BTBD2: variants seen among roughly 807,000 people sequenced by gnomAD.
BTBD2 encodes the protein BTB domain containing 2, also known as BTB/POZ domain-containing protein 2.
Under a neutral mutation model 44.0 loss-of-function variants are expected in BTBD2, and 15 were observed. The observed-to-expected ratio is 0.34, with a 90% confidence interval of 0.23 to 0.53. The LOEUF is 0.53. Among genes scored for constraint, BTBD2 ranks in the 20% least tolerant of loss-of-function variants. The pLI is 0.95. For missense variants in BTBD2, 657 were observed against 746.4 expected (o/e 0.88, Z 1.39); for synonymous variants, 443 against 335.9 (o/e 1.32, Z -3.49).
chr19:1,987,276 G>A, intron 6 of BTBD2, 23 bp from the exon 7 acceptor site: 2 of 1,612,438 alleles, frequency 1.2e-6, no homozygotes, highest in Non-Finnish European at 1.7e-6. Flanking sequence ...ATGACAGGCA[G>A]CAGCGTGGAT....
chr19:1,987,187 G>C lies in BTBD2; in HGVS notation c.1248C>G (p.Thr416=), dbSNP rs774869555. ...FGLYGSIHGP[T]DYQVNIQIIH... ...GTACCTGGATGTTCACTTGGTAGTCGGTGGGCCCGTGGATGGATCCATACA... is the reference window on the plus strand; with the variant it reads ...GTACCTGGATGTTCACTTGGTAGTCCGTGGGCCCGTGGATGGATCCATACA... Residue 416 remains threonine, a synonymous_variant, in exon 7 of 9, where the codon ACC becomes ACG. Transcript: ENST00000255608. 3 of 1,613,662 alleles carry C rather than the reference G, an allele frequency of 1.9e-6. No individual in the cohort carries two copies. The highest frequency in any genetic ancestry group is 1.7e-5 in the Admixed American group (1 of 59,948).
chr19:1,999,689 A>ACG (rs1568219038), intron 1 of BTBD2, among the ~76,000 whole-genome samples: 11 of 151,718 alleles, frequency 7.3e-5, no homozygotes, highest in Middle Eastern at 3.4e-3. Flanking sequence ...GGCCAGGTGC[A>ACG]GTGGCTCACG....
At chr19:1,999,192 A>G (rs34384935) in intron 1 of BTBD2, among the ~76,000 whole-genome samples, 71,514 of 151,454 alleles carry the variant, frequency 0.47, 17,588 homozygotes, top group African/African-American at 0.6. Flanking sequence ...GCTTGACTGC[A>G]CCCCAGAGTC....
chr19:1,986,424 G>T lies in BTBD2; in HGVS notation c.*64C>A. The T allele has an allele frequency of 6.3e-7, 1 of 1,590,024 alleles. No homozygotes were observed. Reference sequence around the variant, plus strand: ...ACCGCGTGGTGGGGGGGCCCCAGCAGCAGATGATGGCCTGGGGCTGCGGCT... The same window carrying T: ...ACCGCGTGGTGGGGGGGCCCCAGCATCAGATGATGGCCTGGGGCTGCGGCT... On this transcript the variant is annotated 3_prime_UTR_variant, in exon 9 of 9. Coordinates refer to ENST00000255608, the MANE Select transcript of BTBD2 (RefSeq NM_017797.4).
intron 1 of BTBD2, among the ~76,000 whole-genome samples, chr19:2,001,721 C>T (rs1599356447): frequency 6.6e-6 from 1 of 152,342 alleles, no homozygotes; most frequent in Admixed American, 6.5e-5. Context: ...ACCTCTTCAT[C>T]TGGCTGCAAG....
intron 3 of BTBD2, among the ~76,000 whole-genome samples, chr19:1,992,445 G>C (rs2016192544): frequency 6.6e-6 from 1 of 151,968 alleles, no homozygotes; most frequent in Non-Finnish European, 1.5e-5. Context: ...TCTCTATGTT[G>C]CCTAGGCTGG....
At position 1,986,868 on chromosome 19, in the gene BTBD2, G is replaced by A; in HGVS notation, c.1378C>T (p.Leu460=). 6.2e-7 allele frequency: 1 copy of A among 1,612,366 alleles called. No individual in the cohort carries two copies. The highest frequency in any genetic ancestry group is 1.7e-4 in the Middle Eastern group (1 of 6,056). Residue 460 remains leucine (L), a synonymous_variant, in exon 8 of 9, where the codon CTG becomes TTG. Transcript: ENST00000255608. ...CAGGCCGTGTAGTTGACGTTGGGCA[G>A]CACCTCCACCGGCTCCTTGAACATG... ...RVMFKEPVEV[L]PNVNYTACAT... is the part of the protein sequence containing the mutation.
At position 2,000,280 on chromosome 19, in the gene BTBD2, G is replaced by A. The variant is rs1189592911; in HGVS notation, c.408-2817C>T. Among the ~76,000 whole-genome samples the A allele has an allele frequency of 3.9e-5, 6 of 152,254 alleles. No homozygotes were observed. In the South Asian group the frequency reaches 6.2e-4, roughly 16 times the overall value. Reference sequence around the variant, plus strand: ...AAGGGCCCAGGCCTCAGGGCCCTGCGCCATCACCCACAGCTGGTGCCCCAG... The same window carrying A: ...AAGGGCCCAGGCCTCAGGGCCCTGCACCATCACCCACAGCTGGTGCCCCAG... On this transcript the variant is annotated intron_variant, in intron 1 of 8. Transcript: ENST00000255608.
At chr19:2,002,206 C>T (rs1053087599) in intron 1 of BTBD2, among the ~76,000 whole-genome samples, 4 of 152,126 alleles carry the variant, frequency 2.6e-5, no homozygotes, top group Admixed American at 1.3e-4. Context: ...CTCAGCCTCC[C>T]GGTAGCTGGG....
chr19:2,000,160 G>A (rs180912619), intron 1 of BTBD2, among the ~76,000 whole-genome samples: 277 of 152,136 alleles, frequency 1.8e-3, no homozygotes, highest in Admixed American at 5.1e-3. Context: ...CCTGGGCTCC[G>A]GGACTGGCAG....
chr19:2,013,085 C>T (rs10422385), intron 1 of BTBD2, among the ~76,000 whole-genome samples: 9,728 of 152,322 alleles, frequency 0.064, 341 homozygotes, highest in East Asian at 0.12. Flanking sequence ...GGCCCCGGAA[C>T]CCTCCAGGGG....
chr19:1,987,888 A>C, intron 5 of BTBD2, 196 bp from the exon 6 acceptor site: 1 of 598,152 alleles, frequency 1.7e-6, no homozygotes, highest in Non-Finnish European at 2.9e-6. Flanking sequence ...GTCCCAGGGC[A>C]CAGACCAGAG....
At chr19:1,989,808 T>C in intron 5 of BTBD2, 196 bp downstream of exon 5, 4 of 627,132 alleles carry the variant, frequency 6.4e-6, no homozygotes, top group Middle Eastern at 4.3e-4. Context: ...GTGTGCACGG[T>C]GGGGACAGAG....
rs765204827 is a variant in BTBD2, at chr19:1,986,574, A to T, written c.1492T>A (p.Cys498Ser). Reference sequence around the variant, plus strand: ...CCGGCCGCGTAGCAAAAGGTGAAGCAGGTCTTGGCGCCCGTGGTGGGCGAC... The same window carrying T: ...CCGGCCGCGTAGCAAAAGGTGAAGCTGGTCTTGGCGCCCGTGGTGGGCGAC... ...HESPTTGAKT[C>S]FTFCYAAGNN... is the part of the protein sequence containing the mutation. The change falls in exon 9 of 9, where the codon TGC (cysteine) becomes AGC (serine). Residue 498 changes from cysteine (C) to serine (S), a missense_variant. Physicochemically the swap from Cys to Ser is moderately radical, Grantham distance 112. Around this residue, in one of 3 missense-constraint regions of BTBD2, gnomAD observed 449 missense variants for 510.9 expected, o/e 0.88. Transcript: ENST00000255608. The T allele has an allele frequency of 6.2e-7, 1 of 1,613,932 alleles. No individual in the cohort carries two copies. The highest frequency in any genetic ancestry group is 8.5e-7 in the Non-Finnish European group (1 of 1,179,964).
chr19:2,006,854 A>G (rs960207831), intron 1 of BTBD2, among the ~76,000 whole-genome samples: 7 of 151,730 alleles, frequency 4.6e-5, no homozygotes, highest in South Asian at 2.1e-4. Flanking sequence ...ATGCCCAGCT[A>G]ATTTTTTTAT....
At chr19:2,011,875 G>C (rs2016468847) in intron 1 of BTBD2, among the ~76,000 whole-genome samples, 1 of 150,654 alleles carries the variant, frequency 6.6e-6, no homozygotes, top group Non-Finnish European at 1.5e-5. Context: ...TTTTTTTTGA[G>C]ACAGAGTCTT....
chr19:1,986,475 G>C lies in BTBD2; in HGVS notation c.*13C>G. The C allele has an allele frequency of 6.2e-7, 1 of 1,610,970 alleles. No homozygotes were observed. Among genetic ancestry groups the C allele is most frequent in the Non-Finnish European group, 8.5e-7 (1 of 1,177,596 alleles). On this transcript the variant is annotated 3_prime_UTR_variant, in exon 9 of 9. Transcript: ENST00000255608. ...ATCCCCACGGAGGGAGGGCGGTGTC[G>C]GTGTCGGGCAGCCTAGGTGTAGAAG...
At chr19:2,000,013 G>A (rs373237375) in intron 1 of BTBD2, among the ~76,000 whole-genome samples, 21 of 151,960 alleles carry the variant, frequency 1.4e-4, no homozygotes, top group East Asian at 7.7e-4. Flanking sequence ...CAGAGTGGGC[G>A]GCCGCATGAA....
In BTBD2 at chr19:1,986,815, T is replaced by G. The variant is rs754493289; in HGVS notation, c.1416+15A>C. 3 of 1,596,068 alleles carry G rather than the reference T, an allele frequency of 1.9e-6. No homozygotes were observed. The South Asian group carries it at 3.4e-5, about 18-fold the overall frequency. ...AGAGACTCCCACGGAGGGACCCCTG[T>G]CCCCGGCGGCGCACCTTGAGCGTGG... On this transcript the variant is annotated intron_variant, in intron 8 of 8. Coordinates refer to ENST00000255608, the MANE Select transcript of BTBD2 (RefSeq NM_017797.4).
Sources: allele counts gnomAD v4.1 joint callset (sites outside exome capture counted in the v4.1 genomes callset), GRCh38; gene constraint gnomAD v4.1.1; regional missense constraint gnomAD v4.1.1; transcripts MANE v1.5; gene names NCBI Gene and HGNC (gene_info 2026-07-23, HGNC 2026-07-21).